Variants in SPAG16 observed in about 807,000 individuals in gnomAD.
The protein encoded by SPAG16 is sperm-associated antigen 16 protein.
A neutral mutation model predicts 80.4 loss-of-function variants in SPAG16; 86 were observed. That is an observed-to-expected ratio of 1.07 (90% CI 0.90 to 1.28). The LOEUF (loss-of-function observed/expected upper bound fraction) is 1.28. Among genes scored for constraint, SPAG16 ranks in the 50% most tolerant of loss-of-function variants. The pLI is 0.00. For missense variants in SPAG16, 870 were observed against 765.3 expected, an observed-to-expected ratio of 1.14 and a Z score of -1.61; for synonymous variants, 294 against 265.9, an observed-to-expected ratio of 1.11 and a Z score of -1.03.
intron 9 of SPAG16, among the ~76,000 whole-genome samples, chr2:213,426,925 A>C (rs2069969144): frequency 6.6e-6 from 1 of 151,752 alleles, no homozygotes; most frequent in African/African-American, 2.4e-5. Context: ...ATTTTGCTCC[A>C]TGAATAAATA....
chr2:213,683,108 A>G (rs2064479094), intron 10 of SPAG16, among the ~76,000 whole-genome samples: 1 of 152,210 alleles, frequency 6.6e-6, no homozygotes, highest in East Asian at 1.9e-4. Flanking sequence ...TCCCTTATTG[A>G]TTAAACACAG....
At chr2:214,324,501 C>T (rs986956305) in intron 15 of SPAG16, among the ~76,000 whole-genome samples, 1 of 152,118 alleles carries the variant, frequency 6.6e-6, no homozygotes, top group Admixed American at 6.5e-5. Context: ...TTTCCCACAC[C>T]GTGGTCTACT....
intron 10 of SPAG16, among the ~76,000 whole-genome samples, chr2:213,719,628 C>T (rs2066423217): frequency 6.6e-6 from 1 of 152,178 alleles, no homozygotes; most frequent in East Asian, 1.9e-4. Context: ...CCCACCAATT[C>T]TGGACACAAT....
rs144378735 is a variant in SPAG16, at chr2:213,499,922, G to T, written c.1070+9832G>T. Among the ~76,000 whole-genome samples, 169 of 152,128 alleles carry T rather than the reference G, an allele frequency of 1.1e-3. 2 individuals are homozygous for T. Among genetic ancestry groups the T allele is most frequent in the African/African-American group, 3.6e-3 (151 of 41,512 alleles). On this transcript the variant is annotated intron_variant, in intron 10 of 15. Coordinates refer to ENST00000331683, the MANE Select transcript of SPAG16 (RefSeq NM_024532.5). ...CTGTTTCCAGACACTGGTTTCTTTA[G>T]TATTCCTAAGACTTTCACTGGATTC... is the stretch of plus-strand genomic sequence containing the variant.
chr2:213,595,638 C>T (rs913979258), intron 10 of SPAG16, among the ~76,000 whole-genome samples: 1 of 152,022 alleles, frequency 6.6e-6, no homozygotes. Flanking sequence ...AAACCCTAGA[C>T]TAGAAATATC....
intron 9 of SPAG16, among the ~76,000 whole-genome samples, chr2:213,387,431 C>CCT (rs2067489088): frequency 6.3e-5 from 3 of 47,898 alleles, no homozygotes; most frequent in African/African-American, 3.4e-4. Flanking sequence ...AATGCATGCT[C>CCT]TTTTTTTTTT....
At position 214,283,378 on chromosome 2, in the gene SPAG16, C is replaced by T. The variant is rs140896125; in HGVS notation, c.1721-126762C>T. On this transcript the variant is annotated intron_variant, in intron 15 of 15. Coordinates refer to ENST00000331683, the MANE Select transcript of SPAG16 (RefSeq NM_024532.5). Reference sequence around the variant, plus strand: ...ATACTTATAGGGTGTTAAATACATGCCAGCCCCATATTAGCACTGTATAAC... The same window carrying T: ...ATACTTATAGGGTGTTAAATACATGTCAGCCCCATATTAGCACTGTATAAC... Among the ~76,000 whole-genome samples the T allele has an allele frequency of 5.0e-3, 762 of 152,182 alleles. 5 individuals carry two copies. The highest frequency in any genetic ancestry group is 0.017 in the African/African-American group (721 of 41,542).
rs371565669 is a variant in SPAG16 at position 214,142,800 on chromosome 2, T to C, written c.1594-6340T>C. Among the ~76,000 whole-genome samples, 11 of 152,288 alleles carry C rather than the reference T, an allele frequency of 7.2e-5. 1 individual carries two copies. The East Asian group carries it at 1.9e-3, about 27-fold the overall frequency. On this transcript the variant is annotated intron_variant, in intron 14 of 15. Transcript: ENST00000331683. Reference sequence around the variant, plus strand: ...GGCAACTTTTGTCAGCTTCATTTTGTCAGGAAATCTTACCCCAGCCATGGT... The same window carrying C: ...GGCAACTTTTGTCAGCTTCATTTTGCCAGGAAATCTTACCCCAGCCATGGT...
At chr2:213,831,365 A>G (rs1322774720) in intron 10 of SPAG16, among the ~76,000 whole-genome samples, 1 of 151,274 alleles carries the variant, frequency 6.6e-6, no homozygotes, top group Non-Finnish European at 1.5e-5. Flanking sequence ...CTTTGATTGC[A>G]GCTGATATTT....
intron 12 of SPAG16, among the ~76,000 whole-genome samples, chr2:213,932,368 A>G (rs1306748029): frequency 1.3e-5 from 2 of 151,432 alleles, no homozygotes; most frequent in Non-Finnish European, 2.9e-5. Context: ...GGCACGTGCC[A>G]CCACACCTGG....
intron 11 of SPAG16, among the ~76,000 whole-genome samples, chr2:213,865,316 A>G (rs985776769): frequency 6.6e-6 from 1 of 151,976 alleles, no homozygotes. Context: ...AGTGATATGA[A>G]ATTAATAACC....
intron 10 of SPAG16, among the ~76,000 whole-genome samples, chr2:213,773,566 C>G (rs1253732704): frequency 6.6e-6 from 1 of 151,534 alleles, no homozygotes; most frequent in East Asian, 1.9e-4. Flanking sequence ...CTTTCCTTTC[C>G]TTTTTTGATG....
intron 13 of SPAG16, among the ~76,000 whole-genome samples, chr2:214,070,316 A>T (rs531269989): frequency 1.3e-5 from 2 of 152,092 alleles, no homozygotes; most frequent in African/African-American, 4.8e-5. Flanking sequence ...ATGAATATTT[A>T]CTTATCTTTT....
chr2:213,374,771 T>C (rs1375543475), intron 8 of SPAG16, among the ~76,000 whole-genome samples: 2 of 152,158 alleles, frequency 1.3e-5, no homozygotes, highest in Admixed American at 1.3e-4. Flanking sequence ...GTCATAACTG[T>C]GCTCTGTAAC....
rs116740055 is a variant in SPAG16 at position 214,196,513 on chromosome 2, T to C, written c.1720+47247T>C. Among the ~76,000 whole-genome samples the C allele has an allele frequency of 3.6e-3, 552 of 152,178 alleles. 7 individuals carry two copies. Among genetic ancestry groups the C allele is most frequent in the Non-Finnish European group, 5.9e-3 (398 of 67,970 alleles). On this transcript the variant is annotated intron_variant, in intron 15 of 15. Coordinates refer to ENST00000331683, the MANE Select transcript of SPAG16 (RefSeq NM_024532.5). ...CATTGCTAAATTCAGAATGGAAGAA[T>C]GGTAAATATCACTTAGTCCCAGAAT...
chr2:213,863,163 G>C (rs1308912363), intron 11 of SPAG16, among the ~76,000 whole-genome samples: 1 of 149,320 alleles, frequency 6.7e-6, no homozygotes, highest in African/African-American at 2.6e-5. Context: ...CAAGGGCACA[G>C]AAGGGAGATC....
chr2:213,448,505 A>C (rs1478924252), intron 9 of SPAG16, among the ~76,000 whole-genome samples: 1 of 152,166 alleles, frequency 6.6e-6, no homozygotes, highest in Non-Finnish European at 1.5e-5. Context: ...CTGTTTAATC[A>C]GCTTGTTTTT....
At chr2:213,601,901 G>C (rs949180658) in intron 10 of SPAG16, among the ~76,000 whole-genome samples, 19 of 152,150 alleles carry the variant, frequency 1.2e-4, no homozygotes, top group Non-Finnish European at 2.2e-4. Flanking sequence ...CATGAACCAG[G>C]GTCAGGGTGG....
chr2:214,075,202 A>G (rs753233075), intron 13 of SPAG16, among the ~76,000 whole-genome samples: 1 of 151,714 alleles, frequency 6.6e-6, no homozygotes, highest in Non-Finnish European at 1.5e-5. Context: ...GCGTTAGTGA[A>G]TGGAATTTCT....
Sources: gnomAD v4.1 joint callset for allele counts (sites outside exome capture counted in the v4.1 genomes callset) on GRCh38, gnomAD v4.1.1 for gene constraint, MANE v1.5 for transcripts, NCBI Gene and HGNC (gene_info 2026-07-23, HGNC 2026-07-21) for gene names.